Variants in ARHGAP6 observed in about 807,000 individuals in gnomAD.
ARHGAP6 encodes the protein Rho GTPase activating protein 6, also known as rho GTPase-activating protein 6.
In ARHGAP6, 16 loss-of-function variants were observed where a neutral mutation model predicts 55.7. That is an observed-to-expected ratio of 0.29 (90% CI 0.19 to 0.44). The LOEUF (loss-of-function observed/expected upper bound fraction) is 0.44, where lower values mean the gene tolerates loss of function less well. ARHGAP6 is among the 20% of genes least tolerant of loss of function. The pLI, the probability that ARHGAP6 is intolerant of heterozygous loss-of-function variation, is 1.00. For synonymous variants in ARHGAP6, 382 were observed against 360.9 expected (o/e 1.06, Z -0.66); for missense variants, 698 against 808.9 (o/e 0.86, Z 1.66).
intron 1 of ARHGAP6, among the ~76,000 whole-genome samples, chrX:11,517,864 G>A (rs937776325): frequency 9.9e-5 from 11 of 110,830 alleles, no homozygotes; most frequent in East Asian, 8.4e-4. Flanking sequence ...AATAACTAAC[G>A]CATCCTGGGC....
chrX:11,410,754 C>T (rs919974409), intron 1 of ARHGAP6, among the ~76,000 whole-genome samples: 7 of 111,351 alleles, frequency 6.3e-5, no homozygotes, highest in African/African-American at 2.0e-4. Flanking sequence ...GAAGGCCTCT[C>T]AAGTTAATGA....
rs771907722 is a variant in ARHGAP6 at position 11,294,931 on chromosome X, A to G, written c.589-40224T>C. On this transcript the variant is annotated intron_variant, in intron 1 of 12. Coordinates refer to ENST00000337414, the MANE Select transcript of ARHGAP6 (RefSeq NM_013427.3). ...CTCATAGTTGGTGAAATTAGGGTTTAAAACAGTATGAGATCAGATGTCTTC... is the reference window on the plus strand; with the variant it reads ...CTCATAGTTGGTGAAATTAGGGTTTGAAACAGTATGAGATCAGATGTCTTC... 5 of 983,139 alleles carry G rather than the reference A, an allele frequency of 5.1e-6. No homozygotes were observed. In the Admixed American group the frequency reaches 6.6e-5, roughly 13 times the overall value. 81.0% of individuals were successfully genotyped at this position (983,139 alleles called of 1,213,427 possible).
intron 1 of ARHGAP6, among the ~76,000 whole-genome samples, chrX:11,609,221 C>G (rs2052073257): frequency 9.0e-6 from 1 of 111,169 alleles, no homozygotes; most frequent in Non-Finnish European, 1.9e-5. Context: ...TATGGGGATG[C>G]AGGGAGTTTA....
intron 1 of ARHGAP6, chrX:11,300,678 G>T: frequency 4.7e-6 from 5 of 1,068,571 alleles, no homozygotes; most frequent in South Asian, 4.1e-5. Context: ...AGAACACAAT[G>T]ATTTTTGCTT....
At chrX:11,500,682 A>G (rs1026135198) in intron 1 of ARHGAP6, among the ~76,000 whole-genome samples, 6 of 105,899 alleles carry the variant, frequency 5.7e-5, no homozygotes, top group South Asian at 4.0e-4. Context: ...AAAAAAAAAA[A>G]AAGAAGAAGC....
Position 11,188,002 on chromosome X carries a change from A to G in ARHGAP6, c.1077+726T>C, listed in dbSNP as rs1170567706. Among the ~76,000 whole-genome samples the G allele has an allele frequency of 2.7e-5, 3 of 111,668 alleles. No individual in the cohort carries two copies. In the Admixed American group the frequency reaches 2.8e-4, roughly 11 times the overall value. Reference sequence around the variant, plus strand: ...AGCAGTGATCATGCCACTGCACTCCAGCCTGGGCAACAGAGCAAGACCCTG... The same window carrying G: ...AGCAGTGATCATGCCACTGCACTCCGGCCTGGGCAACAGAGCAAGACCCTG... On this transcript the variant is annotated intron_variant, in intron 4 of 12. Coordinates refer to ENST00000337414, the MANE Select transcript of ARHGAP6 (RefSeq NM_013427.3).
chrX:11,386,712 A>T lies in ARHGAP6; in HGVS notation c.589-132005T>A, dbSNP rs1274982578. 4.5e-5 allele frequency among the ~76,000 whole-genome samples: 5 copies of T among 112,186 alleles called. No individual in the cohort carries two copies. In the Admixed American group the frequency reaches 4.7e-4, roughly 11 times the overall value. On this transcript the variant is annotated intron_variant, in intron 1 of 12. Coordinates refer to ENST00000337414, the MANE Select transcript of ARHGAP6 (RefSeq NM_013427.3). Reference sequence around the variant, plus strand: ...TTTCCCAGCATCTTGAAACACACCTAATTCACAAAACGTGAGCATGTCATC... The same window carrying T: ...TTTCCCAGCATCTTGAAACACACCTTATTCACAAAACGTGAGCATGTCATC...
In ARHGAP6 at chrX:11,548,196, G is replaced by A. The variant is rs540906827; in HGVS notation, c.588+116045C>T. On this transcript the variant is annotated intron_variant, in intron 1 of 12. Transcript: ENST00000337414. ...AGAGTATTTTTATAATATATACAAT[G>A]TGTAATGATCAAATCAAGGTAATTA... Among the ~76,000 whole-genome samples the A allele has an allele frequency of 5.3e-5, 6 of 112,315 alleles. No individual in the cohort carries two copies. In the South Asian group the frequency reaches 1.9e-3, roughly 35 times the overall value.
At chrX:11,176,343 A>C (rs1405328039) in intron 8 of ARHGAP6, among the ~76,000 whole-genome samples, 1 of 59,297 alleles carries the variant, frequency 1.7e-5, no homozygotes, top group Non-Finnish European at 3.1e-5. Flanking sequence ...ATATATATAT[A>C]TATATATCTC....
At chrX:11,478,413 G>A (rs183737282) in intron 1 of ARHGAP6, among the ~76,000 whole-genome samples, 8 of 112,031 alleles carry the variant, frequency 7.1e-5, no homozygotes, top group Non-Finnish European at 9.4e-5. Context: ...AAAGCATTGC[G>A]TACAGTGAAA....
chrX:11,360,639 G>A (rs1385931072), intron 1 of ARHGAP6, among the ~76,000 whole-genome samples: 1 of 108,125 alleles, frequency 9.2e-6, no homozygotes, highest in Non-Finnish European at 1.9e-5. Flanking sequence ...TCAACATAGT[G>A]TTGGAAGTTC....
At chrX:11,468,853 G>A (rs2050321451) in intron 1 of ARHGAP6, among the ~76,000 whole-genome samples, 1 of 112,509 alleles carries the variant, frequency 8.9e-6, no homozygotes, top group Admixed American at 9.4e-5. Flanking sequence ...ATATATTGAA[G>A]GCCTAATACC....
In ARHGAP6 at chrX:11,596,677, G is replaced by C. The variant is rs199722159; in HGVS notation, c.588+67564C>G. Among the ~76,000 whole-genome samples the C allele has an allele frequency of 3.6e-5, 4 of 111,587 alleles. No individual in the cohort carries two copies. The East Asian group carries it at 1.1e-3, about 31-fold the overall frequency. ...TCCAAAATTAGCACCCAAGTCCTTA[G>C]AGAATAAGGTCTGGCCCCCAGGCTT... On this transcript the variant is annotated intron_variant, in intron 1 of 12. Transcript: ENST00000337414.
chrX:11,174,518 TTTCCTTCCTTCCTTCCTTCCTTCCTTCC>T (rs1183794863), intron 8 of ARHGAP6, among the ~76,000 whole-genome samples: 1 of 69,534 alleles, frequency 1.4e-5, no homozygotes, highest in Non-Finnish European at 2.7e-5. Flanking sequence ...TCTTTCTTTC[TTTCCTTCCTTCCTTCCTTCCTTCCTTCC>T]TTCCTTCCTT....
intron 1 of ARHGAP6, among the ~76,000 whole-genome samples, chrX:11,255,771 A>T (rs1321336402): frequency 3.6e-5 from 4 of 111,855 alleles, no homozygotes; most frequent in East Asian, 5.6e-4. Flanking sequence ...GATTTCCACA[A>T]TCCTAAAAGT....
chrX:11,552,594 AT>A, intron 1 of ARHGAP6, among the ~76,000 whole-genome samples: 1 of 69,692 alleles, frequency 1.4e-5, no homozygotes, highest in Non-Finnish European at 2.7e-5. Flanking sequence ...ATATATATAT[AT>A]ATATAGACAC....
At chrX:11,191,814 C>A (rs2046465383) in intron 3 of ARHGAP6, among the ~76,000 whole-genome samples, 1 of 111,640 alleles carries the variant, frequency 9.0e-6, no homozygotes, top group Non-Finnish European at 1.9e-5. Context: ...AGCCTTTAAC[C>A]CTGATCGCCA....
chrX:11,444,803 T>C (rs766559831), intron 1 of ARHGAP6, among the ~76,000 whole-genome samples: 2 of 112,280 alleles, frequency 1.8e-5, no homozygotes, highest in African/African-American at 6.5e-5. Flanking sequence ...AACCACACAA[T>C]GCAAATGTCC....
At chrX:11,280,367 G>C (rs903759128) in intron 1 of ARHGAP6, among the ~76,000 whole-genome samples, 6 of 111,283 alleles carry the variant, frequency 5.4e-5, no homozygotes, top group Non-Finnish European at 9.4e-5. Context: ...CTGGCATCCT[G>C]GGACACTAGG....
Sources: gnomAD v4.1 joint callset for allele counts (sites outside exome capture counted in the v4.1 genomes callset) on GRCh38, gnomAD v4.1.1 for gene constraint, MANE v1.5 for transcripts, NCBI Gene and HGNC (gene_info 2026-07-23, HGNC 2026-07-21) for gene names.